Variants in RSRC2 observed in about 807,000 individuals in gnomAD.
The protein encoded by RSRC2 is arginine and serine rich coiled-coil 2, also known as arginine/serine-rich coiled-coil protein 2.
RSRC2 carries 5 observed loss-of-function variants against 61.3 expected under a neutral mutation model. The ratio of observed to expected loss-of-function variants is 0.08; its 90% CI spans 0.04 to 0.17. The LOEUF (loss-of-function observed/expected upper bound fraction) is 0.17. Among genes scored for constraint, RSRC2 ranks in the 10% least tolerant of loss-of-function variants. RSRC2 has a pLI of 1.00. For synonymous variants in RSRC2, 202 were observed against 166.5 expected, an observed-to-expected ratio of 1.21 and a Z score of -1.64; for missense variants, 381 against 518.8, an observed-to-expected ratio of 0.73 and a Z score of 2.58.
chr12:122,507,410 T>A (rs1052824202), intron 8 of RSRC2, among the ~76,000 whole-genome samples: 4 of 152,000 alleles, frequency 2.6e-5, no homozygotes, highest in African/African-American at 9.7e-5. Flanking sequence ...AATAAAAAAA[T>A]GGATTATTTT....
intron 6 of RSRC2, among the ~76,000 whole-genome samples, chr12:122,512,567 C>T (rs1304372249): frequency 6.6e-6 from 1 of 151,924 alleles, no homozygotes; most frequent in Non-Finnish European, 1.5e-5. Context: ...CCCGCATCTA[C>T]TAAAAATACA....
At chr12:122,509,379 G>A (rs1175821473) in intron 7 of RSRC2, among the ~76,000 whole-genome samples, 2 of 151,918 alleles carry the variant, frequency 1.3e-5, no homozygotes, top group African/African-American at 4.8e-5. Context: ...GAACCCGAGA[G>A]GTGGAGGTTG....
chr12:122,510,982 G>T, intron 7 of RSRC2, 127 bp downstream of exon 7: 1 of 648,654 alleles, frequency 1.5e-6, no homozygotes, highest in Non-Finnish European at 2.6e-6. Context: ...CTGGGAGTTT[G>T]AGGCTACCAT....
intron 1 of RSRC2, 124 bp downstream of exon 1, chr12:122,526,724 A>T: frequency 8.9e-7 from 1 of 1,125,086 alleles, no homozygotes; most frequent in South Asian, 1.3e-5. Flanking sequence ...GCGGGCGCAG[A>T]AGAAGGCCGC....
rs762328624 is a variant in RSRC2, at chr12:122,508,314, A to C, written c.939T>G (p.Ala313=). 4.3e-6 allele frequency: 7 copies of C among 1,614,182 alleles called. No individual in the cohort carries two copies. Among genetic ancestry groups the C allele is most frequent in the Non-Finnish European group, 5.9e-6 (7 of 1,180,038 alleles). Residue 313 remains alanine (A), a synonymous_variant, in exon 8 of 10, where the codon GCT becomes GCG. Transcript: ENST00000331738. ...CGGCTGGGTTATAGTAGCTAGGAAC[A>C]GCTATTCCTGTCTCTGCCAAAGCTT... ...QAKALAETGI[A]VPSYYNPAAV... is the part of the protein sequence containing the mutation.
Position 122,523,790 on chromosome 12 carries a change from A to G in RSRC2, c.7-1491T>C, listed in dbSNP as rs1264774964. On this transcript the variant is annotated intron_variant, in intron 1 of 9. Transcript: ENST00000331738. ...AAATGGGTGTATTGTACTTTAATAA[A>G]TGAAGTTGTGAGAGGTCGAGTTACT... is the stretch of plus-strand genomic sequence containing the variant. 12 of 151,782 alleles carry G rather than the reference A, an allele frequency of 7.9e-5. No homozygotes were observed. The East Asian group carries it at 2.1e-3, about 27-fold the overall frequency. 9.4% of individuals were successfully genotyped at this position (151,782 alleles called of 1,614,324 possible).
intron 6 of RSRC2, among the ~76,000 whole-genome samples, chr12:122,514,264 G>GTT (rs1362127884): frequency 1.2e-4 from 14 of 114,766 alleles, no homozygotes; most frequent in Non-Finnish European, 2.4e-4. Flanking sequence ...GTGTGTGTGT[G>GTT]TGTGTGTTTT....
At chr12:122,518,192 T>A (rs1288676607) in intron 4 of RSRC2, among the ~76,000 whole-genome samples, 2 of 151,952 alleles carry the variant, frequency 1.3e-5, no homozygotes, top group Admixed American at 6.6e-5. Context: ...CTCAGCTGCT[T>A]GGGAGGCTTG....
chr12:122,508,171 T>C, intron 8 of RSRC2, 47 bp downstream of exon 8: 1 of 1,535,558 alleles, frequency 6.5e-7, no homozygotes, highest in South Asian at 1.1e-5. Flanking sequence ...TTCTAAGCAA[T>C]TACTAATTAG....
In RSRC2 at chr12:122,515,090, A is replaced by C; in HGVS notation, c.725+15T>G. 6.2e-7 allele frequency: 1 copy of C among 1,605,486 alleles called. No individual in the cohort carries two copies. Among genetic ancestry groups the C allele is most frequent in the Non-Finnish European group, 8.5e-7 (1 of 1,177,360 alleles). On this transcript the variant is annotated intron_variant, in intron 6 of 9. Coordinates refer to ENST00000331738, the MANE Select transcript of RSRC2 (RefSeq NM_023012.6). ...AAAGGCGAACTGGAACAAATGAATT[A>C]AGAAATATACACACCTTCTAGCTAA...
chr12:122,506,427 T>C (rs1222234683), intron 9 of RSRC2: 1 of 164,884 alleles, frequency 6.1e-6, no homozygotes, highest in East Asian at 1.8e-4. Flanking sequence ...AGGGTATAAA[T>C]GCCACAGAGG....
chr12:122,524,506 G>C (rs1489776948), intron 1 of RSRC2, among the ~76,000 whole-genome samples: 3 of 152,202 alleles, frequency 2.0e-5, no homozygotes, highest in Non-Finnish European at 2.9e-5. Context: ...AGCCTAGGCA[G>C]TTTTCAGGCA....
intron 6 of RSRC2, among the ~76,000 whole-genome samples, chr12:122,514,137 C>A (rs1173002386): frequency 6.6e-6 from 1 of 152,034 alleles, no homozygotes; most frequent in Non-Finnish European, 1.5e-5. Context: ...TTTTATTTTA[C>A]TTTTTGCCTC....
At chr12:122,509,607 T>C (rs887004930) in intron 7 of RSRC2, among the ~76,000 whole-genome samples, 5 of 152,148 alleles carry the variant, frequency 3.3e-5, no homozygotes, top group South Asian at 2.1e-4. Flanking sequence ...TTTTTGTCAG[T>C]CCAGAATATA....
chr12:122,521,656 G>C (rs147838815), intron 2 of RSRC2, among the ~76,000 whole-genome samples: 17 of 152,158 alleles, frequency 1.1e-4, no homozygotes, highest in African/African-American at 4.1e-4. Flanking sequence ...TCTTTTAAAC[G>C]GTCATAGACT....
intron 6 of RSRC2, among the ~76,000 whole-genome samples, chr12:122,512,762 T>A (rs1365809096): frequency 3.3e-5 from 5 of 150,956 alleles, no homozygotes; most frequent in Non-Finnish European, 7.4e-5. Flanking sequence ...AAAAAAAAAT[T>A]GTTGAAATTT....
At chr12:122,517,151 A>G in intron 5 of RSRC2, 76 bp downstream of exon 5, 1 of 1,590,606 alleles carries the variant, frequency 6.3e-7, no homozygotes, top group South Asian at 1.1e-5. Context: ...CACAATTTTA[A>G]TACTCTCTTA....
intron 6 of RSRC2, chr12:122,514,769 C>T: frequency 9.3e-7 from 1 of 1,075,512 alleles, no homozygotes; most frequent in South Asian, 1.5e-5. Flanking sequence ...GAAAAGTCAT[C>T]TTAGATGAGA....
chr12:122,516,391 CAA>C (rs1958928040), intron 5 of RSRC2, among the ~76,000 whole-genome samples: 2 of 152,148 alleles, frequency 1.3e-5, no homozygotes, highest in South Asian at 4.1e-4. Flanking sequence ...CATTTACAAA[CAA>C]AATCTGAGGT....
Sources: allele counts gnomAD v4.1 joint callset (sites outside exome capture counted in the v4.1 genomes callset), GRCh38; gene constraint gnomAD v4.1.1; transcripts MANE v1.5; gene names NCBI Gene and HGNC (gene_info 2026-07-23, HGNC 2026-07-21).